The following TMED10 variants were observed in gnomAD, a reference collection of about 807,000 sequenced individuals.
The protein encoded by TMED10 is transmembrane emp24 domain-containing protein 10.
In TMED10, 7 loss-of-function variants were observed where a neutral mutation model predicts 23.1. That is an observed-to-expected ratio of 0.30 (90% confidence interval 0.17 to 0.57). The LOEUF (loss-of-function observed/expected upper bound fraction) is 0.57, where lower values mean the gene tolerates loss of function less well. TMED10 is among the 20% of genes least tolerant of loss of function. TMED10 has a pLI of 0.91. For missense variants in TMED10, 162 were observed against 274.8 expected (o/e 0.59, Z 2.90); for synonymous variants, 113 against 106.9 (o/e 1.06, Z -0.35).
At position 75,170,106 on chromosome 14, in the gene TMED10, A is replaced by G. The variant is rs573366355; in HGVS notation, c.225+6249T>C. On this transcript the variant is annotated intron_variant, in intron 1 of 4. Coordinates refer to ENST00000303575, the MANE Select transcript of TMED10 (RefSeq NM_006827.6). ...GCCGGGCGTGGTGGCGGGCGCCTGT[A>G]GTCCCAGCTACTTGGGAGGCTGAGG... Among the ~76,000 whole-genome samples, 6 of 152,208 alleles carry G rather than the reference A, an allele frequency of 3.9e-5. No homozygotes were observed. In the South Asian group the frequency reaches 1.2e-3, roughly 32 times the overall value.
chr14:75,174,722 T>G (rs1032549285), intron 1 of TMED10, among the ~76,000 whole-genome samples: 2 of 152,082 alleles, frequency 1.3e-5, no homozygotes, highest in Non-Finnish European at 2.9e-5. Context: ...TAAGTTATGG[T>G]CTTATTATAT....
rs1007390849 is a variant in TMED10, at chr14:75,131,795, A to T, written c.*3090T>A. 2.0e-5 allele frequency: 3 copies of T among 152,226 alleles called. No homozygotes were observed. The highest frequency in any genetic ancestry group is 7.2e-5 in the African/African-American group (3 of 41,458). The allele number at this position is 152,226 out of a possible 1,614,324, so 9.4% of individuals were successfully genotyped here. ...ATAAAACCAAAGTATAATATCAATT[A>T]ACTTTTAAACCAAAAGCACAAAATG... On this transcript the variant is annotated 3_prime_UTR_variant, in exon 5 of 5. Coordinates refer to ENST00000303575, the MANE Select transcript of TMED10 (RefSeq NM_006827.6).
rs751747349 is a variant in TMED10, at chr14:75,176,585, T to C, written c.-6A>G. ...GGGCCAGACAAACCAGACATGGTGC[T>C]GGAGACTCGTTCACCACCGAAGGCC... On this transcript the variant is annotated 5_prime_UTR_variant, in exon 1 of 5. Coordinates refer to ENST00000303575, the MANE Select transcript of TMED10 (RefSeq NM_006827.6). 4 of 1,613,808 alleles carry C rather than the reference T, an allele frequency of 2.5e-6. No individual in the cohort carries two copies. The highest frequency in any genetic ancestry group is 3.4e-6 in the Non-Finnish European group (4 of 1,179,922).
At chr14:75,148,513 A>T (rs1243144586) in intron 2 of TMED10, among the ~76,000 whole-genome samples, 1 of 152,080 alleles carries the variant, frequency 6.6e-6, no homozygotes, top group Non-Finnish European at 1.5e-5. Context: ...TTCTAATCTT[A>T]AATCATCAAG....
chr14:75,149,911 T>C (rs1895935938), intron 2 of TMED10, among the ~76,000 whole-genome samples: 1 of 152,120 alleles, frequency 6.6e-6, no homozygotes, highest in Admixed American at 6.5e-5. Context: ...CGAGACCAGC[T>C]TGGCCAACAT....
At chr14:75,137,301 T>C (rs1208474307) in intron 3 of TMED10, among the ~76,000 whole-genome samples, 1 of 149,082 alleles carries the variant, frequency 6.7e-6, no homozygotes, top group Non-Finnish European at 1.5e-5. Flanking sequence ...TGATCCACCA[T>C]GCCCGGCCAG....
At chr14:75,150,893 C>G (rs1277285332) in intron 2 of TMED10, among the ~76,000 whole-genome samples, 1 of 152,142 alleles carries the variant, frequency 6.6e-6, no homozygotes, top group Non-Finnish European at 1.5e-5. Context: ...ATTTGCCTGG[C>G]AAACAGACAA....
chr14:75,147,943 G>C, intron 2 of TMED10: 1 of 601,936 alleles, frequency 1.7e-6, no homozygotes, highest in South Asian at 1.9e-5. Context: ...TCTGTGTGGG[G>C]TGCCGGAAAG....
At chr14:75,172,544 G>A (rs536424711) in intron 1 of TMED10, among the ~76,000 whole-genome samples, 14 of 152,062 alleles carry the variant, frequency 9.2e-5, no homozygotes, top group Non-Finnish European at 2.1e-4. Flanking sequence ...TCCTGACCTC[G>A]TGATTCGCCC....
At chr14:75,149,238 T>C (rs773157227) in intron 2 of TMED10, among the ~76,000 whole-genome samples, 4 of 152,220 alleles carry the variant, frequency 2.6e-5, no homozygotes, top group Non-Finnish European at 5.9e-5. Context: ...CCTTTAAGAA[T>C]TGACTAGGTC....
chr14:75,154,401 CAAAAAAAAAAAAAAAAA>C (rs1166201835), intron 1 of TMED10, among the ~76,000 whole-genome samples: 1 of 15,252 alleles, frequency 6.6e-5, no homozygotes, highest in African/African-American at 2.4e-4. Context: ...GACTCTGTCT[CAAAAAAAAAAAAAAAAA>C]AAAAAAAAAA....
At chr14:75,175,039 C>CAAAAA (rs57423430) in intron 1 of TMED10, among the ~76,000 whole-genome samples, 1 of 87,058 alleles carries the variant, frequency 1.1e-5, no homozygotes, top group African/African-American at 4.4e-5. Context: ...GACTCCGTCT[C>CAAAAA]AAAAAAAAAA....
intron 1 of TMED10, among the ~76,000 whole-genome samples, chr14:75,167,496 A>G (rs762405115): frequency 7.3e-6 from 1 of 137,204 alleles, no homozygotes; most frequent in African/African-American, 2.8e-5. Context: ...TGCCTGGCCT[A>G]TAGTATCTTC....
chr14:75,137,517 A>T (rs1236636175), intron 3 of TMED10, among the ~76,000 whole-genome samples: 8 of 148,866 alleles, frequency 5.4e-5, no homozygotes, highest in Non-Finnish European at 1.0e-4. Flanking sequence ...CTAAAAATAA[A>T]AAAAAAAAAT....
chr14:75,172,774 T>G (rs1257186738), intron 1 of TMED10, among the ~76,000 whole-genome samples: 1 of 152,236 alleles, frequency 6.6e-6, no homozygotes, highest in African/African-American at 2.4e-5. Flanking sequence ...ATGACACGTG[T>G]GGAAAGATCC....
At chr14:75,143,801 G>C (rs1394235814) in intron 3 of TMED10, among the ~76,000 whole-genome samples, 2 of 152,050 alleles carry the variant, frequency 1.3e-5, no homozygotes, top group Non-Finnish European at 2.9e-5. Flanking sequence ...GGGTGTGGTG[G>C]TGCACACTTG....
At chr14:75,156,401 TAG>T (rs1468184345) in intron 1 of TMED10, among the ~76,000 whole-genome samples, 1 of 151,730 alleles carries the variant, frequency 6.6e-6, no homozygotes, top group Admixed American at 6.6e-5. Flanking sequence ...TTTAAGGAGG[TAG>T]AGTCTACAGG....
intron 1 of TMED10, among the ~76,000 whole-genome samples, chr14:75,154,929 C>A (rs1227176187): frequency 6.7e-6 from 1 of 149,224 alleles, no homozygotes; most frequent in Non-Finnish European, 1.5e-5. Context: ...TCTGAAAGTG[C>A]TGGGATTACA....
intron 1 of TMED10, among the ~76,000 whole-genome samples, chr14:75,154,401 CAAA>C (rs1166201835): frequency 3.4e-3 from 52 of 15,204 alleles, no homozygotes; most frequent in African/African-American, 0.012. Context: ...GACTCTGTCT[CAAA>C]AAAAAAAAAA....
Sources: allele counts gnomAD v4.1 joint callset (sites outside exome capture counted in the v4.1 genomes callset), GRCh38; gene constraint gnomAD v4.1.1; transcripts MANE v1.5; gene names NCBI Gene and HGNC (gene_info 2026-07-23, HGNC 2026-07-21).